LMNB2: variants seen among roughly 807,000 people sequenced by gnomAD.
The protein encoded by LMNB2 is lamin-B2.
A neutral mutation model predicts 69.3 loss-of-function variants in LMNB2; 17 were observed. The ratio of observed to expected loss-of-function variants is 0.25; its 90% CI spans 0.17 to 0.37. LMNB2 has a LOEUF of 0.37. Among genes scored for constraint, LMNB2 ranks in the 10% least tolerant of loss-of-function variants. The pLI is 1.00. For synonymous variants in LMNB2, 397 were observed against 389.3 expected (o/e 1.02, Z -0.23); for missense variants, 789 against 883.6 (o/e 0.89, Z 1.36).
At chr19:2,436,735 A>G (rs527583945) in intron 4 of LMNB2, 3,029 of 87,892 alleles carry the variant, frequency 0.034, 172 homozygotes, top group African/African-American at 0.13. Flanking sequence ...CCGCCACCAC[A>G]GCCGCGCACC....
Position 2,434,831 on chromosome 19 carries a change from C to T in LMNB2, c.938G>A (p.Arg313His), listed in dbSNP as rs776152890. The T allele has an allele frequency of 9.3e-6, 15 of 1,608,708 alleles. No homozygotes were observed. The highest frequency in any genetic ancestry group is 8.4e-5 in the Admixed American group (5 of 59,796). ...AREELKEARM[R>H]LESLSYQLSG... is the part of the protein sequence containing the mutation. ...GAGCTGGTAGCTGAGGGACTCCAGGCGCATGCGGGCCTCCTTCAGCTCCTC... is the reference window on the plus strand; with the variant it reads ...GAGCTGGTAGCTGAGGGACTCCAGGTGCATGCGGGCCTCCTTCAGCTCCTC... Residue 313 changes from arginine to histidine, a missense_variant, in exon 6 of 12, where the codon CGC (arginine) becomes CAC (histidine). Coordinates refer to ENST00000325327, the MANE Select transcript of LMNB2 (RefSeq NM_032737.4).
intron 4 of LMNB2, chr19:2,437,255 C>G (rs1387973637): frequency 6.6e-6 from 1 of 152,546 alleles, no homozygotes; most frequent in Non-Finnish European, 1.5e-5. Flanking sequence ...TCTCCGAGCC[C>G]CCGGAGGCAG....
chr19:2,433,210 C>T lies in LMNB2; in HGVS notation c.1482+616G>A, dbSNP rs570909313. ...TTTCCGGTCACCTTGTCCCCTGCCT[C>T]GTATTGGCCGGCGGCCCCGTCACCC... is the stretch of plus-strand genomic sequence containing the variant. On this transcript the variant is annotated intron_variant, in intron 8 of 11. Coordinates refer to ENST00000325327, the MANE Select transcript of LMNB2 (RefSeq NM_032737.4). Among the ~76,000 whole-genome samples, 47 of 67,426 alleles carry T rather than the reference C, an allele frequency of 7.0e-4. 1 individual carries two copies. The highest frequency in any genetic ancestry group is 3.1e-3 in the African/African-American group (43 of 13,780). The allele number at this position is 67,426 out of a possible 152,430, so 44.2% of individuals were successfully genotyped here.
rs1971727081 is a variant in LMNB2, at chr19:2,430,558, G to A, written c.*353C>T. 1 of 393,262 alleles carries A rather than the reference G, an allele frequency of 2.5e-6. No individual in the cohort carries two copies. 24.4% of individuals were successfully genotyped at this position (393,262 alleles called of 1,614,324 possible). On this transcript the variant is annotated 3_prime_UTR_variant, in exon 12 of 12. Coordinates refer to ENST00000325327, the MANE Select transcript of LMNB2 (RefSeq NM_032737.4). ...AATTCCTACGCAGTTTCCGCGCTCC[G>A]TCCGCAGCAGGGCCGTCTCCTGTCC...
chr19:2,432,623 C>CAT (rs1971756284), intron 8 of LMNB2, 100 bp from the exon 9 acceptor site: 1 of 956,648 alleles, frequency 1.0e-6, no homozygotes, highest in African/African-American at 1.6e-5. Context: ...CTGGTCACCC[C>CAT]CACCAGCTAG....
Position 2,456,847 on chromosome 19 carries a change from C to T in LMNB2, c.87G>A (p.Ala29=), listed in dbSNP as rs1972097260. The T allele has an allele frequency of 7.7e-7, 1 of 1,306,404 alleles. No individual in the cohort carries two copies. Among genetic ancestry groups the T allele is most frequent in the Non-Finnish European group, 9.8e-7 (1 of 1,019,510 alleles). The allele number at this position is 1,306,404 out of a possible 1,614,324, so 80.9% of individuals were successfully genotyped here. ...GCGACAGCGGCGTGGCGGGCCCGCC[C>T]GCGCGGCCGGGCAGCGGCGTGGCCA... ...ATMATPLPGR[A]GGPATPLSPT... The change falls in exon 1 of 12, where the codon GCG becomes GCA. Residue 29 remains alanine, a synonymous_variant. Transcript: ENST00000325327.
At chr19:2,444,808 GC>G (rs1317786628) in intron 1 of LMNB2, among the ~76,000 whole-genome samples, 1 of 152,184 alleles carries the variant, frequency 6.6e-6, no homozygotes, top group Non-Finnish European at 1.5e-5. Context: ...CTCTGCTGCG[GC>G]CCCCTCTGGA....
Position 2,442,590 on chromosome 19 carries a change from A to T in LMNB2, c.401+1814T>A, listed in dbSNP as rs560272856. Among the ~76,000 whole-genome samples the T allele has an allele frequency of 8.5e-5, 13 of 152,066 alleles. No homozygotes were observed. The South Asian group carries it at 2.7e-3, about 32-fold the overall frequency. Reference sequence around the variant, plus strand: ...TCTCAAAAGGAAATAAATAAAAAATAAAAAAAATTAGTTGGGTGTAGTGGT... The same window carrying T: ...TCTCAAAAGGAAATAAATAAAAAATTAAAAAAATTAGTTGGGTGTAGTGGT... On this transcript the variant is annotated intron_variant, in intron 2 of 11. Coordinates refer to ENST00000325327, the MANE Select transcript of LMNB2 (RefSeq NM_032737.4).
chr19:2,441,265 G>A (rs945555047), intron 2 of LMNB2, among the ~76,000 whole-genome samples: 9 of 152,262 alleles, frequency 5.9e-5, no homozygotes, highest in South Asian at 2.1e-4. Flanking sequence ...GTTGTGTCCC[G>A]CCAGGGCAGG....
intron 2 of LMNB2, among the ~76,000 whole-genome samples, chr19:2,439,696 T>C (rs973317671): frequency 6.6e-6 from 1 of 151,212 alleles, no homozygotes; most frequent in Admixed American, 6.6e-5. Context: ...GACAGGGACC[T>C]CTCCTGCCCA....
chr19:2,440,969 C>A (rs1428936364), intron 2 of LMNB2, among the ~76,000 whole-genome samples: 1 of 152,226 alleles, frequency 6.6e-6, no homozygotes, highest in African/African-American at 2.4e-5. Context: ...GCCCTCCCTG[C>A]CTAGGATCCG....
At chr19:2,442,984 G>C (rs896409096) in intron 2 of LMNB2, among the ~76,000 whole-genome samples, 5 of 152,172 alleles carry the variant, frequency 3.3e-5, no homozygotes, top group Admixed American at 3.3e-4. Context: ...TGACATTTCA[G>C]AGCTCCGTGC....
intron 4 of LMNB2, 35 bp downstream of exon 4, chr19:2,438,128 G>A (rs751051123): frequency 5.0e-6 from 8 of 1,612,128 alleles, no homozygotes; most frequent in East Asian, 2.2e-5. Flanking sequence ...TTGCGTTTCC[G>A]CTGTGCCAGG....
At position 2,435,009 on chromosome 19, in the gene LMNB2, G is replaced by A. The variant is rs776966948; in HGVS notation, c.847C>T (p.Gln283Ter). The stretch of plus-strand genomic sequence containing the variant: ...CCGCCTGCCGGCCACACCTTGGCCT[G>A]GTAGGTCTGCTCCAGCTCCAGCTTG... ...LYKLELEQTY[Q>*]AKLDSAKLSS... Residue 283 changes from glutamine (Q) to a stop codon, truncating the protein, a stop_gained, in exon 5 of 12, where the codon CAG becomes TAG. Coordinates refer to ENST00000325327, the MANE Select transcript of LMNB2 (RefSeq NM_032737.4). LOFTEE classifies it high-confidence loss of function. 1 of 1,607,352 alleles carries A rather than the reference G, an allele frequency of 6.2e-7. No homozygotes were observed. Among genetic ancestry groups the A allele is most frequent in the Non-Finnish European group, 8.5e-7 (1 of 1,179,378 alleles).
rs1599334721 is a variant in LMNB2, at chr19:2,438,190, C to T, written c.657G>A (p.Leu219=). ...ENRCQSLQEE[L]DFRKSVFEEE... ...CCTCGAACACACTCTTCCGGAAGTC[C>T]AGCTCCTCCTGCAGGCTCTGGCAGC... The change falls in exon 4 of 12, where the codon CTG becomes CTA. Residue 219 remains leucine (L), a synonymous_variant. Coordinates refer to ENST00000325327, the MANE Select transcript of LMNB2 (RefSeq NM_032737.4). 1 of 1,614,054 alleles carries T rather than the reference C, an allele frequency of 6.2e-7. No individual in the cohort carries two copies. Among genetic ancestry groups the T allele is most frequent in the Non-Finnish European group, 8.5e-7 (1 of 1,180,036 alleles).
At position 2,433,849 on chromosome 19, in the gene LMNB2, G is replaced by A; in HGVS notation, c.1459C>T (p.Gln487Ter). Reference sequence around the variant, plus strand: ...ACCTTGTCCGAGTTGTTCTTGAGCTGCACAAACTTGCCCTCCAGGTCGATC... The same window carrying A: ...ACCTTGTCCGAGTTGTTCTTGAGCTACACAAACTTGCCCTCCAGGTCGATC... ...EEIDLEGKFV[Q>*]LKNNSDKDQS... The change falls in exon 8 of 12, where the codon CAG becomes TAG. Residue 487 changes from glutamine (Q) to a stop codon, truncating the protein, a stop_gained. Transcript: ENST00000325327. LOFTEE classifies it high-confidence loss of function. The A allele has an allele frequency of 6.2e-7, 1 of 1,613,358 alleles. No homozygotes were observed. The highest frequency in any genetic ancestry group is 1.1e-5 in the South Asian group (1 of 91,088).
chr19:2,440,106 ATGTC>A (rs983024113), intron 2 of LMNB2, among the ~76,000 whole-genome samples: 2 of 146,768 alleles, frequency 1.4e-5, no homozygotes, highest in African/African-American at 2.4e-5. Flanking sequence ...AAGTGACCGT[ATGTC>A]TGTCTAAGTA....
chr19:2,456,721 G>T lies in LMNB2; in HGVS notation c.213C>A (p.Asn71Lys), dbSNP rs757799930. Residue 71 changes from asparagine (N) to lysine (K), a missense_variant, in exon 1 of 12, where the codon AAC (asparagine) becomes AAA (lysine). Asn to Lys is a moderately conservative substitution (Grantham distance 94, BLOSUM62 0). Transcript: ENST00000325327. ...IDRVRALELE[N>K]DRLLLKISEK... ...CTGAGATCTTGAGCAGGAGCCGGTC[G>T]TTCTCCAGCTCCAGCGCGCGGACGC... The T allele has an allele frequency of 1.9e-6, 3 of 1,564,892 alleles. No homozygotes were observed. In the South Asian group the frequency reaches 3.5e-5, roughly 18 times the overall value.
At chr19:2,448,691 C>CA (rs1225737805) in intron 1 of LMNB2, among the ~76,000 whole-genome samples, 1 of 151,914 alleles carries the variant, frequency 6.6e-6, no homozygotes, top group Non-Finnish European at 1.5e-5. Flanking sequence ...ACTAAAAATA[C>CA]AAAAAAATTA....
Sources: allele counts gnomAD v4.1 joint callset (sites outside exome capture counted in the v4.1 genomes callset), GRCh38; gene constraint gnomAD v4.1.1; transcripts MANE v1.5; gene names NCBI Gene and HGNC (gene_info 2026-07-23, HGNC 2026-07-21).